TMEM87B: variants seen among roughly 807,000 people sequenced by gnomAD.
The protein encoded by TMEM87B is transmembrane protein 87B.
In TMEM87B, 83 loss-of-function variants were observed where a neutral mutation model predicts 80.3. That is an observed-to-expected ratio of 1.03 (90% CI 0.87 to 1.24). The LOEUF (loss-of-function observed/expected upper bound fraction) is 1.24, where lower values mean the gene tolerates loss of function less well. Among genes scored for constraint, TMEM87B ranks in the 50% most tolerant of loss-of-function variants. TMEM87B has a pLI of 0.00. For missense variants in TMEM87B, 625 were observed against 674.4 expected (o/e 0.93, Z 0.81); for synonymous variants, 219 against 230.5 (o/e 0.95, Z 0.45).
At chr2:112,093,158 G>A (rs1444475978) in intron 11 of TMEM87B, among the ~76,000 whole-genome samples, 1 of 152,166 alleles carries the variant, frequency 6.6e-6, no homozygotes, top group Non-Finnish European at 1.5e-5. Flanking sequence ...CAGGTGTGCT[G>A]GCAAATGTAG....
chr2:112,066,936 GAGCTGTTCC>G lies in TMEM87B; in HGVS notation c.321_329del (p.Leu108_Gln110del). ...TAACATAGAATTTTACCTTATATAG[GAGCTGTTCC>G]AAAAACATAAACTTAGTGTTGATGA... On this transcript the variant is annotated inframe_deletion and splice_region_variant, in exon 4 of 19. Coordinates refer to ENST00000283206, the MANE Select transcript of TMEM87B (RefSeq NM_032824.3). 6.3e-7 allele frequency: 1 copy of G among 1,597,202 alleles called. No individual in the cohort carries two copies. The highest frequency in any genetic ancestry group is 8.5e-7 in the Non-Finnish European group (1 of 1,174,134).
chr2:112,089,640 A>C lies in TMEM87B; in HGVS notation c.954A>C (p.Thr318=). The C allele has an allele frequency of 6.2e-7, 1 of 1,614,122 alleles. No individual in the cohort carries two copies. Among genetic ancestry groups the C allele is most frequent in the South Asian group, 1.1e-5 (1 of 91,084 alleles). Residue 318 remains threonine (T), a synonymous_variant, in exon 10 of 19, where the codon ACA becomes ACC. Coordinates refer to ENST00000283206, the MANE Select transcript of TMEM87B (RefSeq NM_032824.3). ...GYGIVKPRLG[T]VMHRVIGLGL... is the part of the protein sequence containing the mutation. ...CTGATTCCAGGCCTCGTTTAGGAAC[A>C]GTCATGCACCGGGTGATCGGACTGG...
rs1473530535 is a variant in TMEM87B at position 112,097,102 on chromosome 2, A to G, written c.1163A>G (p.Lys388Arg). Residue 388 changes from lysine (K) to arginine (R), a missense_variant, in exon 12 of 19, where the codon AAA (lysine) becomes AGA (arginine). Physicochemically the swap from Lys to Arg is conservative, Grantham distance 26. Coordinates refer to ENST00000283206, the MANE Select transcript of TMEM87B (RefSeq NM_032824.3). ...CTAAGGCTAAGAAAGAACACTGTGA[A>G]ATTTTCATTATATAGACATTTTAAA... ...KTLRLRKNTVKFSLYRHFKNT... is the reference protein window; with the variant it reads ...KTLRLRKNTVRFSLYRHFKNT... 5 of 1,609,686 alleles carry G rather than the reference A, an allele frequency of 3.1e-6. No homozygotes were observed. Among genetic ancestry groups the G allele is most frequent in the Non-Finnish European group, 4.2e-6 (5 of 1,178,772 alleles).
chr2:112,076,868 G>GTGTC (rs1314375323), intron 5 of TMEM87B, among the ~76,000 whole-genome samples: 1 of 147,594 alleles, frequency 6.8e-6, no homozygotes, highest in Non-Finnish European at 1.5e-5. Context: ...GTGTGTGTGT[G>GTGTC]TGTGTGTGTG....
At chr2:112,086,388 AC>A (rs1483322607) in intron 9 of TMEM87B, among the ~76,000 whole-genome samples, 1 of 152,188 alleles carries the variant, frequency 6.6e-6, no homozygotes. Context: ...CCATTTTCAA[AC>A]CCTTTTCTGT....
chr2:112,075,570 C>T (rs1259007233), intron 5 of TMEM87B, among the ~76,000 whole-genome samples: 2 of 151,940 alleles, frequency 1.3e-5, no homozygotes, highest in Non-Finnish European at 2.9e-5. Context: ...ATGGGCTGTG[C>T]GTGTCATTAA....
chr2:112,107,755 T>C (rs1679810697), intron 16 of TMEM87B, 33 bp from the exon 17 acceptor site: 2 of 1,391,918 alleles, frequency 1.4e-6, no homozygotes, highest in East Asian at 2.4e-5. Flanking sequence ...TCAGGTGATA[T>C]TAAGCAAATG....
intron 15 of TMEM87B, chr2:112,105,776 C>T (rs1352569600): frequency 2.6e-6 from 1 of 383,742 alleles, no homozygotes; most frequent in African/African-American, 2.1e-5. Flanking sequence ...AAACAAGAAA[C>T]TTGAAAACCT....
chr2:112,081,388 G>T lies in TMEM87B; in HGVS notation c.708G>T (p.Thr236=), dbSNP rs200527696. The part of the protein sequence containing the change: ...VYILYGILWL[T]WSACYWKDIL... ...TATTATATGGCATACTCTGGCTGAC[G>T]TGGTCTGCCTGTTATTGGAAAGATA... Residue 236 remains threonine (T), a synonymous_variant, in exon 8 of 19, where the codon ACG becomes ACT. Transcript: ENST00000283206. 1 of 1,613,390 alleles carries T rather than the reference G, an allele frequency of 6.2e-7. No homozygotes were observed. The highest frequency in any genetic ancestry group is 1.7e-5 in the Admixed American group (1 of 59,898).
At position 112,116,396 on chromosome 2, in the gene TMEM87B, A is replaced by G; in HGVS notation, c.*253A>G. 2.9e-6 allele frequency: 1 copy of G among 345,128 alleles called. No individual in the cohort carries two copies. Among genetic ancestry groups the G allele is most frequent in the Non-Finnish European group, 5.2e-6 (1 of 191,298 alleles). The allele number at this position is 345,128 out of a possible 1,614,324, so 21.4% of individuals were successfully genotyped here. On this transcript the variant is annotated 3_prime_UTR_variant, in exon 19 of 19. Transcript: ENST00000283206. ...AGTATTATGATAAAGATCTGCACAG[A>G]TGCCTCTTAGCTGATAGGTGGCAGG...
chr2:112,069,567 T>C (rs1423529444), intron 4 of TMEM87B, among the ~76,000 whole-genome samples: 1 of 152,356 alleles, frequency 6.6e-6, no homozygotes, highest in Middle Eastern at 3.4e-3. Flanking sequence ...CAGTCTACCA[T>C]TGATGGGAAT....
intron 1 of TMEM87B, among the ~76,000 whole-genome samples, chr2:112,056,651 T>A (rs1315782690): frequency 1.3e-5 from 2 of 152,192 alleles, no homozygotes; most frequent in Non-Finnish European, 2.9e-5. Flanking sequence ...GTTCTAAAGA[T>A]GAGACTTATA....
chr2:112,092,097 A>T (rs1378584236), intron 11 of TMEM87B, among the ~76,000 whole-genome samples: 1 of 152,206 alleles, frequency 6.6e-6, no homozygotes, highest in Non-Finnish European at 1.5e-5. Flanking sequence ...GCATCAGTAT[A>T]GCAGTAGTAG....
Position 112,106,520 on chromosome 2 carries a change from T to A in TMEM87B, c.1524+445T>A, listed in dbSNP as rs1168451218. On this transcript the variant is annotated intron_variant, in intron 16 of 18. Coordinates refer to ENST00000283206, the MANE Select transcript of TMEM87B (RefSeq NM_032824.3). ...ATTTTAAAATAACATTTGTTATCTG[T>A]TGGTAAAGAACTTTATGTGTTACCT... Among the ~76,000 whole-genome samples the A allele has an allele frequency of 8.5e-5, 13 of 152,196 alleles. No homozygotes were observed. In the East Asian group the frequency reaches 2.5e-3, roughly 29 times the overall value.
rs999590961 is a variant in TMEM87B at position 112,089,806 on chromosome 2, A to G, written c.1032+88A>G. 3.8e-6 allele frequency: 5 copies of G among 1,302,484 alleles called. No individual in the cohort carries two copies. The African/African-American group carries it at 7.4e-5, about 19-fold the overall frequency. The allele number at this position is 1,302,484 out of a possible 1,614,324, so 80.7% of individuals were successfully genotyped here. A position where few individuals can be genotyped will look rare whatever the true frequency, so the allele number is the denominator to read the frequency against. ...TATCTCCTGAGATGAATTTTTAGAT[A>G]GAAACTTGTGAAAAAGGCCCAATTT... is the stretch of plus-strand genomic sequence containing the variant. On this transcript the variant is annotated intron_variant, in intron 10 of 18. Coordinates refer to ENST00000283206, the MANE Select transcript of TMEM87B (RefSeq NM_032824.3).
At chr2:112,066,758 C>G (rs543247174) in intron 3 of TMEM87B, among the ~76,000 whole-genome samples, 178 bp from the exon 4 acceptor site, 4 of 152,288 alleles carry the variant, frequency 2.6e-5, no homozygotes, top group African/African-American at 9.6e-5. Context: ...TTATGATTAT[C>G]TCAATTATAT....
intron 15 of TMEM87B, 60 bp from the exon 16 acceptor site, chr2:112,105,942 A>G: frequency 8.1e-7 from 1 of 1,232,990 alleles, no homozygotes; most frequent in East Asian, 2.8e-5. Flanking sequence ...AGATTATTAA[A>G]TTTCTAAAGG....
chr2:112,074,837 T>C (rs1678759828), intron 4 of TMEM87B, 75 bp from the exon 5 acceptor site: 2 of 1,414,208 alleles, frequency 1.4e-6, no homozygotes, highest in South Asian at 2.8e-5. Context: ...CTAACTTTTT[T>C]TCTTAATTAT....
At chr2:112,079,646 T>C (rs937184526) in intron 6 of TMEM87B, among the ~76,000 whole-genome samples, 2 of 152,196 alleles carry the variant, frequency 1.3e-5, no homozygotes, top group Admixed American at 1.3e-4. Flanking sequence ...ATTACTGGAT[T>C]ATATGGTAAT....
Sources: gnomAD v4.1 joint callset for allele counts (sites outside exome capture counted in the v4.1 genomes callset) on GRCh38, gnomAD v4.1.1 for gene constraint, MANE v1.5 for transcripts, NCBI Gene and HGNC (gene_info 2026-07-23, HGNC 2026-07-21) for gene names.